MAP1LC3A: variants seen among roughly 807,000 people sequenced by gnomAD.
The protein encoded by MAP1LC3A is microtubule-associated protein 1 light chain 3 alpha.
A neutral mutation model predicts 15.2 loss-of-function variants in MAP1LC3A; 10 were observed. The observed-to-expected ratio is 0.66, with a 90% confidence interval of 0.41 to 1.12. The LOEUF (loss-of-function observed/expected upper bound fraction) is 1.12. MAP1LC3A is among the 50% of genes most tolerant of loss of function. The pLI, the probability that MAP1LC3A is intolerant of heterozygous loss-of-function variation, is 0.00. For synonymous variants in MAP1LC3A, 63 were observed against 64.3 expected, an observed-to-expected ratio of 0.98 and a Z score of 0.10; for missense variants, 138 against 167.3, an observed-to-expected ratio of 0.82 and a Z score of 0.97.
chr20:34,556,650 G>A, upstream of MAP1LC3A, among the ~76,000 whole-genome samples: 1 of 151,916 alleles, frequency 6.6e-6, no homozygotes, highest in Non-Finnish European at 1.5e-5. Flanking sequence ...AGGCTGGAGG[G>A]CAGTGGCGCA....
chr20:34,550,086 C>T (rs2146669821), intron 2 of MAP1LC3A: 1 of 1,548,826 alleles, frequency 6.5e-7, no homozygotes, highest in Non-Finnish European at 8.9e-7. Context: ...GGTCTGTCCA[C>T]ACTCGCGGTC....
upstream of MAP1LC3A, among the ~76,000 whole-genome samples, chr20:34,554,435 G>A (rs1211694064): frequency 4.7e-4 from 60 of 127,540 alleles, 1 homozygote; most frequent in Non-Finnish European, 1.7e-4. Context: ...GTGCGGTGGC[G>A]CGATCTCGGT....
At chr20:34,553,626 A>G (rs915734587) in intron 2 of MAP1LC3A, among the ~76,000 whole-genome samples, 5 of 152,214 alleles carry the variant, frequency 3.3e-5, no homozygotes, top group African/African-American at 1.2e-4. Flanking sequence ...GCTCTGGATC[A>G]AAAGTCGGCA....
upstream of MAP1LC3A, among the ~76,000 whole-genome samples, chr20:34,554,888 T>G (rs1032683235): frequency 1.1e-4 from 17 of 151,348 alleles, no homozygotes; most frequent in African/African-American, 3.9e-4. Context: ...TTTTTTTTTT[T>G]GTAGAGATGG....
chr20:34,559,156 G>A, intron 1 of MAP1LC3A, 52 bp from the exon 2 acceptor site: 1 of 1,492,332 alleles, frequency 6.7e-7, no homozygotes, highest in Non-Finnish European at 8.9e-7. Context: ...GGACAGGCGG[G>A]GCGGACCTGG....
chr20:34,551,149 G>A (rs953025647), intron 2 of MAP1LC3A, among the ~76,000 whole-genome samples: 5 of 151,742 alleles, frequency 3.3e-5, no homozygotes, highest in African/African-American at 1.2e-4. Flanking sequence ...CTACTCAGGA[G>A]ACCAAGGCAG....
intron 2 of MAP1LC3A, among the ~76,000 whole-genome samples, chr20:34,553,630 G>T (rs948585392): frequency 6.6e-6 from 1 of 152,322 alleles, no homozygotes; most frequent in Admixed American, 6.5e-5. Flanking sequence ...TGGATCAAAA[G>T]TCGGCAAACT....
At chr20:34,559,535 CAG>C (rs1299352368) in intron 3 of MAP1LC3A, 82 bp downstream of exon 3, 7 of 1,372,160 alleles carry the variant, frequency 5.1e-6, no homozygotes, top group Admixed American at 1.9e-5. Context: ...GGAGTGGGGT[CAG>C]GGGTGATGGG....
In MAP1LC3A at chr20:34,559,952, C is replaced by T; in HGVS notation, c.*54C>T. ...GTCGGGCGGCCCCGGTCAGGCCCTGCCCAGAGAGCTCCTGGTTCCTGAACT... is the reference window on the plus strand; with the variant it reads ...GTCGGGCGGCCCCGGTCAGGCCCTGTCCAGAGAGCTCCTGGTTCCTGAACT... On this transcript the variant is annotated 3_prime_UTR_variant, in exon 4 of 4. Transcript: ENST00000360668. 1.3e-6 allele frequency: 2 copies of T among 1,548,824 alleles called. No individual in the cohort carries two copies. Among genetic ancestry groups the T allele is most frequent in the Middle Eastern group, 2.1e-4 (1 of 4,674 alleles).
chr20:34,559,287 G>GC, intron 2 of MAP1LC3A, 24 bp downstream of exon 2: 4 of 1,564,180 alleles, frequency 2.6e-6, no homozygotes, highest in South Asian at 1.2e-5. Context: ...CCCCAGCCCT[G>GC]CCCCGCCCCC....
chr20:34,558,090 A>T, upstream of MAP1LC3A: 1 of 985,382 alleles, frequency 1.0e-6, no homozygotes, highest in South Asian at 4.7e-5. The surrounding 1 kb of genome is among the most constrained non-coding windows in gnomAD (Gnocchi z 4.3). Flanking sequence ...TGGCGTTGCC[A>T]TCTGTGCCCT....
upstream of MAP1LC3A, chr20:34,558,460 G>T: frequency 9.9e-7 from 1 of 1,005,702 alleles, no homozygotes; most frequent in Non-Finnish European, 1.2e-6. The surrounding 1 kb of genome is among the most constrained non-coding windows in gnomAD (Gnocchi z 4.3). Flanking sequence ...AGCCTGGCCC[G>T]CCCGCTCCAT....
rs746441172 is a variant in MAP1LC3A at position 34,559,275 on chromosome 20, A to ACC, written c.96+16_96+17dup. On this transcript the variant is annotated intron_variant, in intron 2 of 3. Coordinates refer to ENST00000360668, the MANE Select transcript of MAP1LC3A (RefSeq NM_032514.4). Reference sequence around the variant, plus strand: ...CCAGCAAAATCCCGGTGAGTCCCGCACCCCCAGCCCTGCCCCGCCCCCGCC... The same window carrying ACC: ...CCAGCAAAATCCCGGTGAGTCCCGCACCCCCCCAGCCCTGCCCCGCCCCCGCC... The ACC allele has an allele frequency of 3.2e-5, 50 of 1,583,410 alleles. No homozygotes were observed. In the Middle Eastern group the frequency reaches 6.1e-4, roughly 19 times the overall value.
chr20:34,559,963 C>T lies in MAP1LC3A; in HGVS notation c.*65C>T. 1 of 1,529,738 alleles carries T rather than the reference C, an allele frequency of 6.5e-7. No individual in the cohort carries two copies. The highest frequency in any genetic ancestry group is 8.8e-7 in the Non-Finnish European group (1 of 1,135,370). 94.8% of individuals were successfully genotyped at this position (1,529,738 alleles called of 1,614,324 possible). A position where few individuals can be genotyped will look rare whatever the true frequency, so the allele number is the denominator to read the frequency against. On this transcript the variant is annotated 3_prime_UTR_variant, in exon 4 of 4. Coordinates refer to ENST00000360668, the MANE Select transcript of MAP1LC3A (RefSeq NM_032514.4). ...CCGGTCAGGCCCTGCCCAGAGAGCT[C>T]CTGGTTCCTGAACTGAGCTGCCTCT...
intron 1 of MAP1LC3A, 72 bp from the exon 2 acceptor site, chr20:34,559,136 C>G (rs1982303120): frequency 7.1e-7 from 1 of 1,411,464 alleles, no homozygotes; most frequent in Admixed American, 3.1e-5. Flanking sequence ...GGCCGGGGGC[C>G]GCCCCTCCGG....
intron 2 of MAP1LC3A, among the ~76,000 whole-genome samples, chr20:34,552,407 C>T (rs900980516): frequency 6.6e-6 from 1 of 152,234 alleles, no homozygotes. Context: ...AATTATACAG[C>T]ATATTGGAAG....
At chr20:34,550,600 G>T (rs527776645) in intron 2 of MAP1LC3A, among the ~76,000 whole-genome samples, 1 of 152,078 alleles carries the variant, frequency 6.6e-6, no homozygotes, top group East Asian at 1.9e-4. Context: ...CTACACACCC[G>T]CCAAAATGGC....
upstream of MAP1LC3A, among the ~76,000 whole-genome samples, chr20:34,556,769 C>A (rs1982175560): frequency 6.6e-6 from 1 of 152,052 alleles, no homozygotes; most frequent in Admixed American, 6.6e-5. Context: ...GCTAGCTAAT[C>A]TTTGTATTTT....
intron 1 of MAP1LC3A, chr20:34,549,789 G>A (rs115255392): frequency 1.7e-4 from 90 of 543,312 alleles, no homozygotes; most frequent in African/African-American, 1.6e-3. Flanking sequence ...ACTGGTGGGC[G>A]TGTCTTAGGG....
Sources: allele counts gnomAD v4.1 joint callset (sites outside exome capture counted in the v4.1 genomes callset), GRCh38; gene constraint gnomAD v4.1.1; non-coding constraint Gnocchi (gnomAD v3.1); transcripts MANE v1.5; gene names NCBI Gene and HGNC (gene_info 2026-07-23, HGNC 2026-07-21).